TLCD4: variants seen among roughly 807,000 people sequenced by gnomAD.
The protein encoded by TLCD4 is TLC domain-containing protein 4.
In TLCD4, 7 loss-of-function variants were observed where a neutral mutation model predicts 24.2. The observed-to-expected ratio is 0.29, with a 90% CI of 0.16 to 0.54. The LOEUF is 0.54. Among genes scored for constraint, TLCD4 ranks in the 20% least tolerant of loss-of-function variants. The pLI, the probability that TLCD4 is intolerant of heterozygous loss-of-function variation, is 0.95. For missense variants in TLCD4, 259 were observed against 313.9 expected, an observed-to-expected ratio of 0.82 and a Z score of 1.32; for synonymous variants, 103 against 106.4, an observed-to-expected ratio of 0.97 and a Z score of 0.20.
chr1:95,159,257 A>G (rs1288358719), intron 5 of TLCD4, among the ~76,000 whole-genome samples: 1 of 152,232 alleles, frequency 6.6e-6, no homozygotes, highest in Non-Finnish European at 1.5e-5. Context: ...TCTGATGGCC[A>G]GTGATGATGA....
chr1:95,148,769 G>C lies in TLCD4; in HGVS notation c.223G>C (p.Ala75Pro), dbSNP rs368830517. The C allele has an allele frequency of 1.2e-6, 2 of 1,613,428 alleles. No individual in the cohort carries two copies. The highest frequency in any genetic ancestry group is 1.7e-6 in the Non-Finnish European group (2 of 1,179,678). Residue 75 changes from alanine (A) to proline (P), a missense_variant, in exon 3 of 7, where the codon GCT becomes CCT. Ala to Pro is a conservative substitution (Grantham distance 27, BLOSUM62 -1). Transcript: ENST00000370203. ...FGLYIFLFDE[A>P]TKADPLWGGP... ...CCTGTACATTTTCTTATTCGATGAG[G>C]CTACTAAAGCTGATCCACTTTGGTA...
intron 1 of TLCD4, chr1:95,120,280 T>G (rs1676535577): frequency 6.6e-6 from 1 of 152,226 alleles, no homozygotes; most frequent in Non-Finnish European, 1.5e-5. Context: ...TACATTACAT[T>G]AGGAAAGTAA....
chr1:95,153,111 G>T (rs1267718274), intron 5 of TLCD4, among the ~76,000 whole-genome samples: 3 of 151,698 alleles, frequency 2.0e-5, no homozygotes, highest in Admixed American at 6.6e-5. Context: ...CTGTCACCAG[G>T]CTGGAGTGCA....
At chr1:95,103,773 G>C in the TLCD4 span, among the ~76,000 whole-genome samples, 1 of 152,130 alleles carries the variant, frequency 6.6e-6, no homozygotes, top group Non-Finnish European at 1.5e-5. Context: ...TGTCTTGTAC[G>C]ACTAGCAATC....
intron 5 of TLCD4, chr1:95,163,600 C>CAAAA (rs1005452596): frequency 6.6e-6 from 1 of 152,212 alleles, no homozygotes; most frequent in African/African-American, 2.4e-5. Context: ...TTAGAATTTT[C>CAAAA]AGCTTTTCTG....
At chr1:95,135,352 T>C (rs376278858) in intron 1 of TLCD4, among the ~76,000 whole-genome samples, 2 of 152,082 alleles carry the variant, frequency 1.3e-5, no homozygotes, top group African/African-American at 4.8e-5. Context: ...TTGTGTCATT[T>C]TGAGTAATGC....
intron 1 of TLCD4, among the ~76,000 whole-genome samples, chr1:95,142,904 C>G (rs921002365): frequency 6.9e-6 from 1 of 144,902 alleles, no homozygotes; most frequent in Non-Finnish European, 1.5e-5. Context: ...GAGCTGAGAT[C>G]TATCGCACCA....
chr1:95,095,400 A>C, the TLCD4 span, among the ~76,000 whole-genome samples: 1 of 151,658 alleles, frequency 6.6e-6, no homozygotes, highest in Admixed American at 6.6e-5. Flanking sequence ...TTTTATTTTT[A>C]TTTTTATTTT....
the TLCD4 span, among the ~76,000 whole-genome samples, chr1:95,109,968 CAA>C: frequency 7.8e-6 from 1 of 127,708 alleles, no homozygotes; most frequent in Non-Finnish European, 1.6e-5. Context: ...TACACACACA[CAA>C]ACAATTTTGG....
chr1:95,117,689 C>A (rs1050387991), intron 1 of TLCD4, 72 bp downstream of exon 1: 4 of 151,754 alleles, frequency 2.6e-5, no homozygotes, highest in African/African-American at 9.7e-5. Flanking sequence ...CCGCGCCAGC[C>A]GCCAAGCGCA....
intron 6 of TLCD4, among the ~76,000 whole-genome samples, chr1:95,179,160 A>C (rs1233039932): frequency 6.6e-6 from 1 of 152,272 alleles, no homozygotes; most frequent in Non-Finnish European, 1.5e-5. Context: ...AAATCATTTA[A>C]AGGAAATAAA....
chr1:95,141,834 A>C (rs928119030), intron 1 of TLCD4, among the ~76,000 whole-genome samples: 9 of 70,712 alleles, frequency 1.3e-4, no homozygotes, highest in African/African-American at 3.1e-4. Flanking sequence ...CACACACACA[A>C]AGAATGAGGA....
chr1:95,144,030 CA>C lies in TLCD4; in HGVS notation c.134del (p.Lys45ArgfsTer9). ...CTCCAGGTTTCAATAGTCTCAGCTT[CA>C]AAAAGAAGATTGAATGGAACTCAAG... The part of the protein sequence containing the change: ...VSPGFNSLSF[K>X]KKIEWNSRVV... On this transcript the variant is annotated frameshift_variant, in exon 2 of 7. Coordinates refer to ENST00000370203, the MANE Select transcript of TLCD4 (RefSeq NM_152487.3). LOFTEE classifies it high-confidence loss of function. The C allele has an allele frequency of 6.5e-7, 1 of 1,541,254 alleles. No individual in the cohort carries two copies.
chr1:95,127,166 C>T (rs1676763052), intron 1 of TLCD4, among the ~76,000 whole-genome samples: 1 of 152,210 alleles, frequency 6.6e-6, no homozygotes. Context: ...TAGGCTTTGA[C>T]TCTAGGTATC....
intron 5 of TLCD4, among the ~76,000 whole-genome samples, chr1:95,165,882 T>A (rs1357757897): frequency 6.6e-6 from 1 of 152,200 alleles, no homozygotes; most frequent in Non-Finnish European, 1.5e-5. Context: ...TTTGTTTTAT[T>A]TTTGTTTTGT....
At chr1:95,111,322 A>AG in the TLCD4 span, among the ~76,000 whole-genome samples, 3 of 139,278 alleles carry the variant, frequency 2.2e-5, no homozygotes, top group Admixed American at 7.7e-5. Context: ...ACAAAACAAA[A>AG]AAAAAGAAAA....
At chr1:95,105,682 C>A in the TLCD4 span, among the ~76,000 whole-genome samples, 2 of 151,628 alleles carry the variant, frequency 1.3e-5, no homozygotes, top group Non-Finnish European at 2.9e-5. Flanking sequence ...GATCACGAGG[C>A]CAGGAGATCG....
At chr1:95,124,578 A>T (rs1280214036) in intron 1 of TLCD4, among the ~76,000 whole-genome samples, 1 of 152,190 alleles carries the variant, frequency 6.6e-6, no homozygotes, top group Admixed American at 6.5e-5. Context: ...GCTCAGTGAA[A>T]GGTCAGTAGG....
chr1:95,105,432 T>C, the TLCD4 span, among the ~76,000 whole-genome samples: 14 of 152,226 alleles, frequency 9.2e-5, no homozygotes, highest in African/African-American at 3.4e-4. Flanking sequence ...AATTGTACTT[T>C]GGACTTTAAT....
Sources: allele counts gnomAD v4.1 joint callset (sites outside exome capture counted in the v4.1 genomes callset), GRCh38; gene constraint gnomAD v4.1.1; transcripts MANE v1.5; gene names NCBI Gene and HGNC (gene_info 2026-07-23, HGNC 2026-07-21).